SPAG16: variants seen among roughly 807,000 people sequenced by gnomAD.
SPAG16 encodes sperm associated antigen 16, also known as sperm-associated antigen 16 protein.
Under a neutral mutation model 80.4 loss-of-function variants are expected in SPAG16, and 86 were observed. That is an observed-to-expected ratio of 1.07 (90% CI 0.90 to 1.28). The LOEUF (loss-of-function observed/expected upper bound fraction) is 1.28, where lower values mean the gene tolerates loss of function less well. Among genes scored for constraint, SPAG16 ranks in the 50% most tolerant of loss-of-function variants. The probability of loss-of-function intolerance (pLI) is 0.00; values close to 1 mark genes in which losing one functional copy is unlikely to be tolerated. For synonymous variants in SPAG16, 294 were observed against 265.9 expected (o/e 1.11, Z -1.03); for missense variants, 870 against 765.3 (o/e 1.14, Z -1.61).
At chr2:213,961,838 GT>G (rs575660843) in intron 12 of SPAG16, among the ~76,000 whole-genome samples, 1 of 151,336 alleles carries the variant, frequency 6.6e-6, no homozygotes, top group African/African-American at 2.4e-5. Context: ...TTGATCTATG[GT>G]TTTTTTTCTT....
At chr2:213,364,736 G>C (rs1160970754) in intron 8 of SPAG16, 2 of 152,236 alleles carry the variant, frequency 1.3e-5, no homozygotes, top group East Asian at 3.8e-4. Context: ...CCTTAGCTGA[G>C]GCTGCAATAC....
At chr2:213,447,082 C>A (rs556644661) in intron 9 of SPAG16, among the ~76,000 whole-genome samples, 4 of 152,294 alleles carry the variant, frequency 2.6e-5, no homozygotes, top group East Asian at 3.9e-4. Context: ...TGTTAACTCA[C>A]ATGTAGTAGT....
chr2:213,734,927 C>A (rs1186874930), intron 10 of SPAG16, among the ~76,000 whole-genome samples: 1 of 151,428 alleles, frequency 6.6e-6, no homozygotes, highest in Non-Finnish European at 1.5e-5. Context: ...TAGGTCTCAA[C>A]CTTTTATTCA....
rs574506662 is a variant in SPAG16, at chr2:214,123,520, C to T, written c.1593+15259C>T. ...TAGCAACCCTTTACATCAACTGTGTCCTGGCACTAATCTAAATAGTGAGAG... is the reference window on the plus strand; with the variant it reads ...TAGCAACCCTTTACATCAACTGTGTTCTGGCACTAATCTAAATAGTGAGAG... On this transcript the variant is annotated intron_variant, in intron 14 of 15. Coordinates refer to ENST00000331683, the MANE Select transcript of SPAG16 (RefSeq NM_024532.5). Among the ~76,000 whole-genome samples the T allele has an allele frequency of 2.3e-4, 35 of 152,074 alleles. No individual in the cohort carries two copies. The South Asian group carries it at 6.6e-3, about 29-fold the overall frequency.
intron 11 of SPAG16, among the ~76,000 whole-genome samples, chr2:213,911,784 A>AT (rs560143321): frequency 4.7e-4 from 71 of 150,032 alleles, no homozygotes; most frequent in Non-Finnish European, 5.0e-4. Flanking sequence ...TTACAGTTAA[A>AT]TTAGAAAGCA....
intron 15 of SPAG16, among the ~76,000 whole-genome samples, chr2:214,306,932 T>G (rs1012537793): frequency 6.6e-6 from 1 of 152,102 alleles, no homozygotes; most frequent in South Asian, 2.1e-4. Flanking sequence ...CTCCCCTCAG[T>G]TTTTTGGAGT....
intron 10 of SPAG16, among the ~76,000 whole-genome samples, chr2:213,836,661 G>A (rs1446018727): frequency 6.6e-6 from 1 of 151,632 alleles, no homozygotes; most frequent in Non-Finnish European, 1.5e-5. Flanking sequence ...TGCCCAGGCT[G>A]GAGTGCAACG....
intron 15 of SPAG16, among the ~76,000 whole-genome samples, chr2:214,208,765 T>C (rs1356640364): frequency 6.6e-6 from 1 of 152,098 alleles, no homozygotes; most frequent in Non-Finnish European, 1.5e-5. Context: ...ACACTAGGGA[T>C]AAATGGGCTA....
intron 10 of SPAG16, among the ~76,000 whole-genome samples, chr2:213,637,877 C>T (rs1294155878): frequency 6.6e-6 from 1 of 152,148 alleles, no homozygotes; most frequent in Non-Finnish European, 1.5e-5. Flanking sequence ...CTGGCTCAGC[C>T]TCCTGAGTAG....
chr2:213,587,728 A>ATTAT lies in SPAG16; in HGVS notation c.1070+97640_1070+97641insATTT, dbSNP rs528855280. 1.6e-3 allele frequency among the ~76,000 whole-genome samples: 238 copies of ATTAT among 151,292 alleles called. 3 individuals are homozygous for ATTAT. Among genetic ancestry groups the ATTAT allele is most frequent in the African/African-American group, 4.8e-3 (193 of 40,614 alleles). On this transcript the variant is annotated intron_variant, in intron 10 of 15. Transcript: ENST00000331683. ...TTTCCTTCAGATTAAAATATTTTAAATTCTCTCTTTTTACTGTAAGCAAAA... is the reference window on the plus strand; with the variant it reads ...TTTCCTTCAGATTAAAATATTTTAAATTATTTCTCTCTTTTTACTGTAAGCAAAA...
At chr2:214,258,471 G>GTGTATATATATATA (rs1553539128) in intron 15 of SPAG16, among the ~76,000 whole-genome samples, 30 of 141,412 alleles carry the variant, frequency 2.1e-4, no homozygotes, top group Non-Finnish European at 3.0e-4. Context: ...ATGTGTGTGT[G>GTGTATATATATATA]TATATATATA....
intron 15 of SPAG16, among the ~76,000 whole-genome samples, chr2:214,404,887 C>T (rs1295653049): frequency 1.3e-5 from 2 of 151,930 alleles, no homozygotes; most frequent in Admixed American, 6.6e-5. Context: ...ATTTTTAGTA[C>T]ATATTATATA....
At chr2:213,304,811 C>G (rs906116512) in intron 3 of SPAG16, among the ~76,000 whole-genome samples, 1 of 152,168 alleles carries the variant, frequency 6.6e-6, no homozygotes, top group East Asian at 1.9e-4. Context: ...TAATGTGATT[C>G]GTGCAGTTTC....
At chr2:214,132,442 A>G (rs1020706036) in intron 14 of SPAG16, among the ~76,000 whole-genome samples, 8 of 152,200 alleles carry the variant, frequency 5.3e-5, no homozygotes, top group African/African-American at 1.9e-4. Flanking sequence ...CTGTAGTTAC[A>G]TTTAAAGTAC....
intron 14 of SPAG16, among the ~76,000 whole-genome samples, chr2:214,140,944 G>A (rs1453335760): frequency 2.7e-5 from 2 of 72,900 alleles, no homozygotes; most frequent in Non-Finnish European, 5.3e-5. Flanking sequence ...GGGGGGGGGG[G>A]GGTGGGGGGT....
intron 10 of SPAG16, among the ~76,000 whole-genome samples, chr2:213,525,284 C>CTTTTTT (rs71060436): frequency 0.014 from 1,354 of 100,082 alleles, 5 homozygotes; most frequent in Non-Finnish European, 0.019. Context: ...TTTTCCTTTT[C>CTTTTTT]TTTTTTTTTT....
chr2:213,865,361 TGTAAA>T (rs1298364828), intron 11 of SPAG16, among the ~76,000 whole-genome samples: 1 of 151,868 alleles, frequency 6.6e-6, no homozygotes, highest in Non-Finnish European at 1.5e-5. Context: ...TTAAGACACA[TGTAAA>T]TGAATACTGA....
chr2:214,233,481 A>G (rs1688852931), intron 15 of SPAG16, among the ~76,000 whole-genome samples: 1 of 152,084 alleles, frequency 6.6e-6, no homozygotes, highest in African/African-American at 2.4e-5. Flanking sequence ...GTCTATTTCA[A>G]CCAAGAGGTA....
At chr2:213,356,645 C>G (rs1012136050) in intron 7 of SPAG16, among the ~76,000 whole-genome samples, 4 of 151,982 alleles carry the variant, frequency 2.6e-5, no homozygotes, top group African/African-American at 9.7e-5. Flanking sequence ...CTCCTTTCTT[C>G]TTTATTAGTC....
Sources: allele counts gnomAD v4.1 joint callset (sites outside exome capture counted in the v4.1 genomes callset), GRCh38; gene constraint gnomAD v4.1.1; transcripts MANE v1.5; gene names NCBI Gene and HGNC (gene_info 2026-07-23, HGNC 2026-07-21).